Variants in MUC17 observed in about 807,000 individuals in gnomAD.
MUC17 encodes mucin 17, cell surface associated, also known as mucin-17.
Under a neutral mutation model 170.3 loss-of-function variants are expected in MUC17, and 190 were observed. That is an observed-to-expected ratio of 1.12 (90% confidence interval 0.99 to 1.26). MUC17 has a LOEUF of 1.26. MUC17 is among the 50% of genes most tolerant of loss of function. The probability of loss-of-function intolerance (pLI) is 0.00; values close to 1 mark genes in which losing one functional copy is unlikely to be tolerated. For missense variants in MUC17, 6,415 were observed against 5,530.0 expected (o/e 1.16, Z -5.08); for synonymous variants, 2,325 against 2,002.5 (o/e 1.16, Z -4.30).
rs1253555622 is a variant in MUC17 at position 101,043,001 on chromosome 7, C to T, written c.11585C>T (p.Thr3862Ile). The change falls in exon 3 of 13, where the codon ACT (threonine) becomes ATT (isoleucine). Residue 3862 changes from threonine (T) to isoleucine (I), a missense_variant. Physicochemically the swap from Thr to Ile is moderately conservative, Grantham distance 89 (BLOSUM62 -1). Transcript: ENST00000306151. ...TCATTCTCCATACCTGCTGAAGTCA[C>T]TACCATACGTATTTCAATTACCAGT... ...AGSFSIPAEV[T>I]TIRISITSER... 13 of 1,614,156 alleles carry T rather than the reference C, an allele frequency of 8.1e-6. No individual in the cohort carries two copies. The highest frequency in any genetic ancestry group is 2.2e-5 in the East Asian group (1 of 44,884).
intron 1 of MUC17, among the ~76,000 whole-genome samples, chr7:101,024,691 C>A (rs1794150092): frequency 6.7e-6 from 1 of 149,708 alleles, no homozygotes; most frequent in African/African-American, 2.5e-5. Context: ...CACTTGAGCA[C>A]TGATCTTTTA....
intron 6 of MUC17, among the ~76,000 whole-genome samples, 167 bp downstream of exon 6, chr7:101,049,549 G>C (rs1268968554): frequency 1.3e-5 from 2 of 152,206 alleles, no homozygotes; most frequent in African/African-American, 2.4e-5. Flanking sequence ...CCCAGTTCTA[G>C]GGGCTGGAGG....
rs201215592 is a variant in MUC17 at position 101,034,829 on chromosome 7, C to T, written c.3413C>T (p.Ala1138Val). ...TSIPVTTSTE[A>V]SSSPTTAEGT... Reference sequence around the variant, plus strand: ...ATACCTGTCACCACTTCTACTGAAGCCAGTTCATCTCCTACAACTGCTGAA... The same window carrying T: ...ATACCTGTCACCACTTCTACTGAAGTCAGTTCATCTCCTACAACTGCTGAA... The change falls in exon 3 of 13, where the codon GCC becomes GTC. Residue 1138 changes from alanine (A) to valine (V), a missense_variant. Physicochemically the swap from Ala to Val is moderately conservative, Grantham distance 64. Transcript: ENST00000306151. 1 of 1,607,236 alleles carries T rather than the reference C, an allele frequency of 6.2e-7. No homozygotes were observed. Among genetic ancestry groups the T allele is most frequent in the Non-Finnish European group, 8.5e-7 (1 of 1,176,900 alleles).
Position 101,037,867 on chromosome 7 carries a change from A to G in MUC17, c.6451A>G (p.Met2151Val), listed in dbSNP as rs1451276537. The G allele has an allele frequency of 6.2e-7, 1 of 1,610,818 alleles. No individual in the cohort carries two copies. Among genetic ancestry groups the G allele is most frequent in the Non-Finnish European group, 8.5e-7 (1 of 1,178,228 alleles). Residue 2151 changes from methionine (M) to valine (V), a missense_variant, in exon 3 of 13, where the codon ATG (methionine) becomes GTG (valine). Transcript: ENST00000306151. ...SSPIPTEGTS[M>V]QTSTYSDRRT... ...TCCTATACCTACTGAAGGTACCAGC[A>G]TGCAAACCTCAACTTATAGTGACAG...
At chr7:101,049,099 C>T in intron 5 of MUC17, 127 bp downstream of exon 5, 2 of 1,470,476 alleles carry the variant, frequency 1.4e-6, no homozygotes, top group Non-Finnish European at 1.9e-6. Flanking sequence ...CCCCCACGTC[C>T]TCAGGGCTTG....
rs147997310 is a variant in MUC17 at position 101,035,217 on chromosome 7, C to G, written c.3801C>G (p.Ser1267Arg). Residue 1267 changes from serine (S) to arginine (R), a missense_variant, in exon 3 of 13, where the codon AGC becomes AGG. Physicochemically the swap from Ser to Arg is moderately radical, Grantham distance 110 (BLOSUM62 -1). Coordinates refer to ENST00000306151, the MANE Select transcript of MUC17 (RefSeq NM_001040105.2). ...SSSPTTAEGTSLPTSTTSEGS... is the reference protein window; with the variant it reads ...SSSPTTAEGTRLPTSTTSEGS... Reference sequence around the variant, plus strand: ...CTCCTACAACCGCTGAAGGTACCAGCTTGCCAACCTCAACTACTAGTGAAG... The same window carrying G: ...CTCCTACAACCGCTGAAGGTACCAGGTTGCCAACCTCAACTACTAGTGAAG... 1,544 of 1,608,454 alleles carry G rather than the reference C, an allele frequency of 9.6e-4. No homozygotes were observed. In the African/African-American group the frequency reaches 0.018, roughly 19 times the overall value.
In MUC17 at chr7:101,036,588, T is replaced by G; in HGVS notation, c.5172T>G (p.Ser1724=). The change falls in exon 3 of 13, where the codon TCT becomes TCG. Residue 1724 remains serine, a synonymous_variant. Coordinates refer to ENST00000306151, the MANE Select transcript of MUC17 (RefSeq NM_001040105.2). ...ACAACAGCACACCTGTGACCACTTC[T>G]ACTGAAGCCCGTTCATCTCCTACAA... The part of the protein sequence containing the change: ...PVDNSTPVTT[S]TEARSSPTTS... The G allele has an allele frequency of 6.2e-7, 1 of 1,613,364 alleles. No homozygotes were observed. Among genetic ancestry groups the G allele is most frequent in the Non-Finnish European group, 8.5e-7 (1 of 1,179,572 alleles).
rs760343469 is a variant in MUC17, at chr7:101,036,679, C to A, written c.5263C>A (p.Pro1755Thr). The A allele has an allele frequency of 6.2e-7, 1 of 1,613,234 alleles. No individual in the cohort carries two copies. The change falls in exon 3 of 13, where the codon CCT (proline) becomes ACT (threonine). Residue 1755 changes from proline (P) to threonine (T), a missense_variant. Transcript: ENST00000306151. ...SEGTTPLTSI[P>T]VSTTPVLSSE... The stretch of plus-strand genomic sequence containing the variant: ...AGGAACCACTCCATTAACAAGTATA[C>A]CTGTCAGCACCACGCCGGTACTCAG...
rs558367858 is a variant in MUC17, at chr7:101,054,957, A to C, written c.13364-1237A>C. On this transcript the variant is annotated intron_variant, in intron 11 of 12. Transcript: ENST00000306151. ...ACCCCGTCTCTACTAAAAACACAAA[A>C]ATTAGCTGGACATGGTGGCATGTGC... Among the ~76,000 whole-genome samples the C allele has an allele frequency of 9.2e-5, 14 of 152,276 alleles. No homozygotes were observed. The East Asian group carries it at 2.7e-3, about 29-fold the overall frequency.
In MUC17 at chr7:101,034,197, A is replaced by G; in HGVS notation, c.2781A>G (p.Thr927=). The G allele has an allele frequency of 6.3e-7, 1 of 1,586,800 alleles. No individual in the cohort carries two copies. Among genetic ancestry groups the G allele is most frequent in the Non-Finnish European group, 8.6e-7 (1 of 1,165,204 alleles). ...CTGGGGAAGGAAGCACTCCATTAAC[A>G]AGTATGCCTGACAGCACCACGCCGG... ...STPGEGSTPL[T]SMPDSTTPVV... Residue 927 remains threonine (T), a synonymous_variant, in exon 3 of 13, where the codon ACA becomes ACG. Transcript: ENST00000306151.
At position 101,033,710 on chromosome 7, in the gene MUC17, GC is replaced by G. The variant is rs1372335610; in HGVS notation, c.2295del (p.Ser765ArgfsTer44). The G allele has an allele frequency of 6.2e-7, 1 of 1,613,504 alleles. No homozygotes were observed. The highest frequency in any genetic ancestry group is 1.3e-5 in the African/African-American group (1 of 74,842). On this transcript the variant is annotated frameshift_variant, in exon 3 of 13. Coordinates refer to ENST00000306151, the MANE Select transcript of MUC17 (RefSeq NM_001040105.2). LOFTEE classifies it high-confidence loss of function. ...SKTLLTSSEA[S>X]TLSTTPLDTS... The stretch of plus-strand genomic sequence containing the variant: ...ACGCTGTTGACCAGTTCTGAGGCTA[GC>G]ACCCTTTCAACAACTCCTCTTGACA...
Position 101,042,202 on chromosome 7 carries a change from C to T in MUC17, c.10786C>T (p.Pro3596Ser), listed in dbSNP as rs199851758. The T allele has an allele frequency of 3.7e-6, 6 of 1,614,172 alleles. No homozygotes were observed. The highest frequency in any genetic ancestry group is 1.6e-4 in the Middle Eastern group (1 of 6,062). Residue 3596 changes from proline (P) to serine (S), a missense_variant, in exon 3 of 13, where the codon CCT (proline) becomes TCT (serine). Transcript: ENST00000306151. Reference sequence around the variant, plus strand: ...TGTGACCAGTTCTGAGGCTAGCACACCTTCCACTCCTTCTGTTGACAGAAG... The same window carrying T: ...TGTGACCAGTTCTGAGGCTAGCACATCTTCCACTCCTTCTGTTGACAGAAG... Reference protein sequence around the residue: ...TYVTSSEASTPSTPSVDRSTP... With the variant: ...TYVTSSEASTSSTPSVDRSTP...
At chr7:101,055,669 A>G (rs975136528) in intron 11 of MUC17, among the ~76,000 whole-genome samples, 7 of 152,236 alleles carry the variant, frequency 4.6e-5, no homozygotes, top group African/African-American at 1.7e-4. Flanking sequence ...TTAATACAAT[A>G]CAGAACACCA....
chr7:101,025,530 A>T (rs1794165000), intron 1 of MUC17, among the ~76,000 whole-genome samples: 1 of 151,192 alleles, frequency 6.6e-6, no homozygotes, highest in Admixed American at 6.6e-5. Context: ...AGTGGCTCAC[A>T]CCAGTAATCC....
Position 101,038,721 on chromosome 7 carries a change from T to A in MUC17, c.7305T>A (p.Ser2435Arg). The A allele has an allele frequency of 6.2e-7, 1 of 1,612,846 alleles. No homozygotes were observed. ...CTGTCACCACTTCTACTGAAGCCAGTTCATCTCCTACAACTGCTGAAGGTA... is the reference window on the plus strand; with the variant it reads ...CTGTCACCACTTCTACTGAAGCCAGATCATCTCCTACAACTGCTGAAGGTA... Reference protein sequence around the residue: ...STPVTTSTEASSSPTTAEGTS... With the variant: ...STPVTTSTEARSSPTTAEGTS... The change falls in exon 3 of 13, where the codon AGT becomes AGA. Residue 2435 changes from serine (S) to arginine (R), a missense_variant. Ser to Arg is a moderately radical substitution (Grantham distance 110, BLOSUM62 -1). Coordinates refer to ENST00000306151, the MANE Select transcript of MUC17 (RefSeq NM_001040105.2).
chr7:101,050,963 G>A (rs1004511149), intron 7 of MUC17, among the ~76,000 whole-genome samples: 33 of 152,090 alleles, frequency 2.2e-4, no homozygotes, highest in African/African-American at 7.5e-4. Flanking sequence ...ATCTTGCAGG[G>A]TGCCAGGACT....
In MUC17 at chr7:101,047,985, C is replaced by G; in HGVS notation, c.12405C>G (p.Cys4135Trp). Residue 4135 changes from cysteine to tryptophan, a missense_variant and splice_region_variant, in exon 4 of 13, where the codon TGC (cysteine) becomes TGG (tryptophan). Transcript: ENST00000306151. ...AAAACTTCTGTGATTGTTCCACAGG[C>G]TTTGGAGATGGGTGCCAGAATACGG... ...STPTVPRTTTCFGDGCQNTAS... is the reference protein window; with the variant it reads ...STPTVPRTTTWFGDGCQNTAS... 1.3e-6 allele frequency: 2 copies of G among 1,591,094 alleles called. No individual in the cohort carries two copies. The highest frequency in any genetic ancestry group is 1.7e-6 in the Non-Finnish European group (2 of 1,170,956).
chr7:101,040,508 C>T lies in MUC17; in HGVS notation c.9092C>T (p.Ala3031Val). Reference sequence around the variant, plus strand: ...GAAGCCAGTTCCTCTCCTACAACTGCTGAAGGTACCGGCATACCAATCTCA... The same window carrying T: ...GAAGCCAGTTCCTCTCCTACAACTGTTGAAGGTACCGGCATACCAATCTCA... ...STEASSSPTT[A>V]EGTGIPISTP... The change falls in exon 3 of 13, where the codon GCT becomes GTT. Residue 3031 changes from alanine (A) to valine (V), a missense_variant. Coordinates refer to ENST00000306151, the MANE Select transcript of MUC17 (RefSeq NM_001040105.2). 1.2e-6 allele frequency: 2 copies of T among 1,612,200 alleles called. No individual in the cohort carries two copies. Among genetic ancestry groups the T allele is most frequent in the Non-Finnish European group, 1.7e-6 (2 of 1,179,212 alleles).
chr7:101,043,122 A>T lies in MUC17; in HGVS notation c.11706A>T (p.Thr3902=), dbSNP rs1205654611. ...TAGCTTCGACACCTCCTCTTGACAC[A>T]AGCACAACTTTTACCCCTTCTACTG... The part of the protein sequence containing the change: ...ASIASTPPLD[T]STTFTPSTDT... The change falls in exon 3 of 13, where the codon ACA becomes ACT. Residue 3902 remains threonine, a synonymous_variant. Coordinates refer to ENST00000306151, the MANE Select transcript of MUC17 (RefSeq NM_001040105.2). 1 of 1,614,072 alleles carries T rather than the reference A, an allele frequency of 6.2e-7. No individual in the cohort carries two copies. The highest frequency in any genetic ancestry group is 1.7e-5 in the Admixed American group (1 of 60,018).
Sources: gnomAD v4.1 joint callset for allele counts (sites outside exome capture counted in the v4.1 genomes callset) on GRCh38, gnomAD v4.1.1 for gene constraint, MANE v1.5 for transcripts, NCBI Gene and HGNC (gene_info 2026-07-23, HGNC 2026-07-21) for gene names.